FRY: variants seen among roughly 807,000 people sequenced by gnomAD.
The protein encoded by FRY is FRY microtubule binding protein.
A neutral mutation model predicts 348.4 loss-of-function variants in FRY; 128 were observed. The observed-to-expected ratio is 0.37, with a 90% CI of 0.32 to 0.43. The LOEUF is 0.43. FRY is among the 20% of genes least tolerant of loss of function. The pLI, the probability that FRY is intolerant of heterozygous loss-of-function variation, is 1.00. For missense variants in FRY, 2,736 were observed against 3,695.2 expected (o/e 0.74, Z 6.73); for synonymous variants, 1,370 against 1,374.7 (o/e 1.00, Z 0.08).
rs74044962 is a variant in FRY, at chr13:32,259,544, G to A, written c.7417-2072G>A. ...TATTCCTCTGCAAGCTCATGGTTCTGTCTCAAGTGCAGCGTGGGAGACCTC... is the reference window on the plus strand; with the variant it reads ...TATTCCTCTGCAAGCTCATGGTTCTATCTCAAGTGCAGCGTGGGAGACCTC... On this transcript the variant is annotated intron_variant, in intron 51 of 60. Transcript: ENST00000542859. 5.4e-3 allele frequency among the ~76,000 whole-genome samples: 816 copies of A among 152,306 alleles called. 7 individuals carry two copies. The highest frequency in any genetic ancestry group is 0.019 in the African/African-American group (770 of 41,568).
intron 55 of FRY, among the ~76,000 whole-genome samples, chr13:32,274,436 A>G (rs142725971): frequency 0.046 from 7,039 of 152,214 alleles, 232 homozygotes; most frequent in Middle Eastern, 0.082. Flanking sequence ...GGCCAGACGC[A>G]GTGGCTCACA....
chr13:32,198,258 C>G lies in FRY; in HGVS notation c.3747-3683C>G, dbSNP rs1006911136. ...CCCTTTCCTGCCTTTAAATCTCCAG[C>G]GATCCAGCAATATATTTGGCTCATA... On this transcript the variant is annotated intron_variant, in intron 29 of 60. Transcript: ENST00000542859. Among the ~76,000 whole-genome samples the G allele has an allele frequency of 5.9e-5, 9 of 152,176 alleles. 1 individual carries two copies. The highest frequency in any genetic ancestry group is 2.2e-4 in the African/African-American group (9 of 41,534).
intron 58 of FRY, among the ~76,000 whole-genome samples, chr13:32,287,695 A>G (rs531208315): frequency 6.6e-6 from 1 of 152,354 alleles, no homozygotes; most frequent in East Asian, 1.9e-4. Context: ...CTGGAACGCT[A>G]TGCATGTTGA....
At chr13:32,097,375 T>C (rs1876811307) in intron 2 of FRY, among the ~76,000 whole-genome samples, 1 of 150,334 alleles carries the variant, frequency 6.7e-6, no homozygotes, top group Non-Finnish European at 1.5e-5. Flanking sequence ...TTTTTTTTTT[T>C]TTTTGAGATG....
intron 23 of FRY, among the ~76,000 whole-genome samples, chr13:32,181,825 T>C (rs918410396): frequency 2.0e-5 from 3 of 152,310 alleles, no homozygotes; most frequent in South Asian, 4.1e-4. Flanking sequence ...TGTATCTGTC[T>C]AATTTTTTAA....
intron 7 of FRY, among the ~76,000 whole-genome samples, chr13:32,125,956 G>C (rs1377346199): frequency 6.6e-6 from 1 of 152,078 alleles, no homozygotes. Context: ...GCATACATAA[G>C]AATTAAACAA....
chr13:32,069,865 A>ACCCCCC (rs1874514694), intron 1 of FRY, among the ~76,000 whole-genome samples: 7 of 142,366 alleles, frequency 4.9e-5, no homozygotes, highest in African/African-American at 7.9e-5. Flanking sequence ...CCTCCCCCAG[A>ACCCCCC]CCCCCACCCC....
chr13:32,213,450 C>T (rs780676528), intron 35 of FRY, among the ~76,000 whole-genome samples: 3 of 152,190 alleles, frequency 2.0e-5, no homozygotes, highest in South Asian at 2.1e-4. Flanking sequence ...CAGCAGATCA[C>T]GAATTATAGA....
intron 3 of FRY, among the ~76,000 whole-genome samples, chr13:32,106,879 C>T (rs1877586135): frequency 6.6e-6 from 1 of 152,112 alleles, no homozygotes; most frequent in South Asian, 2.1e-4. Flanking sequence ...AGTTCTGTAC[C>T]TCTTTCTTTC....
chr13:32,168,788 A>G (rs10492391), intron 17 of FRY, among the ~76,000 whole-genome samples: 17,275 of 152,178 alleles, frequency 0.11, 1,184 homozygotes, highest in African/African-American at 0.18. Flanking sequence ...TTTTTACCTG[A>G]TTTATATTGT....
At chr13:32,055,089 C>T (rs1161892681) in intron 1 of FRY, among the ~76,000 whole-genome samples, 1 of 151,946 alleles carries the variant, frequency 6.6e-6, no homozygotes, top group Non-Finnish European at 1.5e-5. Context: ...TTGTGTCGCC[C>T]AGGCTGGAGT....
intron 23 of FRY, among the ~76,000 whole-genome samples, chr13:32,182,316 G>A (rs1002691098): frequency 6.6e-5 from 10 of 152,152 alleles, no homozygotes; most frequent in African/African-American, 2.2e-4. Context: ...CTGTGATCAA[G>A]ACTTACATTT....
At position 32,237,996 on chromosome 13, in the gene FRY, G is replaced by C; in HGVS notation, c.6418+10G>C. 1 of 1,612,572 alleles carries C rather than the reference G, an allele frequency of 6.2e-7. No individual in the cohort carries two copies. Among genetic ancestry groups the C allele is most frequent in the South Asian group, 1.1e-5 (1 of 91,080 alleles). Reference sequence around the variant, plus strand: ...GCATCCCACGCTATTGGTAAAGCCAGCCTCGTTCACCCTGTCTCAATTCTG... The same window carrying C: ...GCATCCCACGCTATTGGTAAAGCCACCCTCGTTCACCCTGTCTCAATTCTG... On this transcript the variant is annotated intron_variant, in intron 44 of 60. Transcript: ENST00000542859. The surrounding 1 kb of genome is among the most constrained non-coding windows in gnomAD (Gnocchi z 6.3).
At chr13:32,264,047 C>G (rs1234561443) in intron 53 of FRY, among the ~76,000 whole-genome samples, 1 of 152,032 alleles carries the variant, frequency 6.6e-6, no homozygotes. Context: ...TCTCATCCTA[C>G]CAAGGAAAAG....
intron 1 of FRY, among the ~76,000 whole-genome samples, chr13:32,034,090 G>A: frequency 6.6e-6 from 1 of 152,198 alleles, no homozygotes; most frequent in East Asian, 1.9e-4. Flanking sequence ...AAGTTTGAGA[G>A]GTGAGGATGT....
intron 7 of FRY, among the ~76,000 whole-genome samples, chr13:32,129,240 C>A (rs1045746018): frequency 6.6e-6 from 1 of 152,142 alleles, no homozygotes; most frequent in Non-Finnish European, 1.5e-5. Context: ...AAGTTAATTA[C>A]CTTTTTATAA....
intron 41 of FRY, among the ~76,000 whole-genome samples, 164 bp from the exon 42 acceptor site, chr13:32,234,410 G>A (rs1183471550): frequency 5.9e-5 from 9 of 152,010 alleles, no homozygotes; most frequent in Admixed American, 2.0e-4. Context: ...GCAGCAGAGT[G>A]AGACCCTGTC....
chr13:32,217,533 T>G (rs1029075788), intron 35 of FRY, among the ~76,000 whole-genome samples: 2 of 152,194 alleles, frequency 1.3e-5, no homozygotes, highest in African/African-American at 4.8e-5. Context: ...AGACAGAGTA[T>G]TATTATGATG....
intron 3 of FRY, among the ~76,000 whole-genome samples, chr13:32,117,001 G>A (rs562804970): frequency 2.0e-5 from 3 of 152,278 alleles, no homozygotes; most frequent in South Asian, 2.1e-4. Flanking sequence ...GACGGAAGAA[G>A]CATTCATCTA....
Sources: gnomAD v4.1 joint callset for allele counts (sites outside exome capture counted in the v4.1 genomes callset) on GRCh38, gnomAD v4.1.1 for gene constraint, Gnocchi (gnomAD v3.1) non-coding constraint, MANE v1.5 for transcripts, NCBI Gene and HGNC (gene_info 2026-07-23, HGNC 2026-07-21) for gene names.